CCDC148: variants seen among roughly 807,000 people sequenced by gnomAD.
CCDC148 encodes the protein coiled-coil domain containing 148, also known as coiled-coil domain-containing protein 148.
In CCDC148, 89 loss-of-function variants were observed where a neutral mutation model predicts 85.7. That is an observed-to-expected ratio of 1.04 (90% CI 0.87 to 1.24). CCDC148 has a LOEUF of 1.24. Among genes scored for constraint, CCDC148 ranks in the 50% most tolerant of loss-of-function variants. The probability of loss-of-function intolerance (pLI) is 0.00; values close to 1 mark genes in which losing one functional copy is unlikely to be tolerated. For synonymous variants in CCDC148, 230 were observed against 213.9 expected (o/e 1.08, Z -0.66); for missense variants, 692 against 671.7 (o/e 1.03, Z -0.33).
intron 1 of CCDC148, among the ~76,000 whole-genome samples, chr2:158,390,670 C>T (rs149674951): frequency 5.4e-4 from 82 of 152,268 alleles, no homozygotes; most frequent in African/African-American, 1.8e-3. Context: ...AACAGGTCTG[C>T]AGTGAGCATG....
intron 10 of CCDC148, among the ~76,000 whole-genome samples, chr2:158,223,783 C>T (rs910519414): frequency 1.3e-5 from 2 of 152,176 alleles, no homozygotes; most frequent in Non-Finnish European, 2.9e-5. Flanking sequence ...GGAAAACTAA[C>T]AAACAGAAAA....
At chr2:158,225,739 G>T (rs1687478311) in intron 10 of CCDC148, among the ~76,000 whole-genome samples, 1 of 152,154 alleles carries the variant, frequency 6.6e-6, no homozygotes, top group South Asian at 2.1e-4. Flanking sequence ...CAGAAATAAA[G>T]ATGTTCTTTG....
At chr2:158,448,802 T>G (rs1280052786) in intron 1 of CCDC148, among the ~76,000 whole-genome samples, 2 of 152,070 alleles carry the variant, frequency 1.3e-5, no homozygotes, top group African/African-American at 4.8e-5. Flanking sequence ...ATAAGTGGAA[T>G]TGGGTTTTTG....
At chr2:158,333,121 A>T (rs1239465566) in intron 7 of CCDC148, among the ~76,000 whole-genome samples, 1 of 151,782 alleles carries the variant, frequency 6.6e-6, no homozygotes, top group East Asian at 1.9e-4. Context: ...TTTGGGTATC[A>T]ATTTTAGATC....
chr2:158,331,999 C>T (rs1042216285), intron 7 of CCDC148, among the ~76,000 whole-genome samples: 12 of 152,148 alleles, frequency 7.9e-5, no homozygotes, highest in African/African-American at 2.4e-4. Context: ...GCATTTAGCC[C>T]ATTTACATTT....
chr2:158,434,761 A>G (rs1359525256), intron 1 of CCDC148, among the ~76,000 whole-genome samples: 1 of 152,172 alleles, frequency 6.6e-6, no homozygotes, highest in African/African-American at 2.4e-5. Flanking sequence ...ACTAGAATAA[A>G]CAGTGCAGAG....
intron 11 of CCDC148, among the ~76,000 whole-genome samples, chr2:158,197,868 T>A (rs1685755592): frequency 6.6e-6 from 1 of 152,128 alleles, no homozygotes; most frequent in African/African-American, 2.4e-5. Context: ...AACCACTAAA[T>A]GCATTCATTA....
chr2:158,385,844 C>T (rs774747644), intron 1 of CCDC148, among the ~76,000 whole-genome samples: 1 of 152,028 alleles, frequency 6.6e-6, no homozygotes, highest in Non-Finnish European at 1.5e-5. Flanking sequence ...AGAGCATACC[C>T]TGTTACCATC....
intron 9 of CCDC148, among the ~76,000 whole-genome samples, chr2:158,255,680 T>C (rs928150494): frequency 4.6e-5 from 7 of 151,746 alleles, no homozygotes; most frequent in Non-Finnish European, 1.0e-4. Flanking sequence ...AACATTTTAG[T>C]AGTTTTATTT....
At chr2:158,323,786 T>C (rs548515026) in intron 7 of CCDC148, among the ~76,000 whole-genome samples, 11 of 152,268 alleles carry the variant, frequency 7.2e-5, no homozygotes, top group Non-Finnish European at 1.6e-4. Flanking sequence ...GATCATGTAA[T>C]AGGTACTTAT....
intron 11 of CCDC148, among the ~76,000 whole-genome samples, chr2:158,184,008 T>G (rs1297315152): frequency 1.3e-5 from 2 of 151,900 alleles, no homozygotes; most frequent in Non-Finnish European, 2.9e-5. Flanking sequence ...GGGAGAAGTC[T>G]GCCCAAAGAA....
intron 11 of CCDC148, among the ~76,000 whole-genome samples, chr2:158,193,219 A>T (rs1382672430): frequency 1.3e-5 from 2 of 152,032 alleles, no homozygotes; most frequent in Non-Finnish European, 2.9e-5. Flanking sequence ...CACAATCAAC[A>T]TTTCTGTCTT....
At chr2:158,277,830 T>C (rs576701301) in intron 9 of CCDC148, among the ~76,000 whole-genome samples, 1 of 152,336 alleles carries the variant, frequency 6.6e-6, no homozygotes, top group African/African-American at 2.4e-5. Flanking sequence ...TCTCCTGACC[T>C]TGTGATCCGC....
At position 158,218,370 on chromosome 2, in the gene CCDC148, C is replaced by T. The variant is rs552440758; in HGVS notation, c.1370+2225G>A. Among the ~76,000 whole-genome samples the T allele has an allele frequency of 3.9e-5, 6 of 152,318 alleles. No homozygotes were observed. The East Asian group carries it at 9.6e-4, about 24-fold the overall frequency. ...CAAGACTAAAACCTTGGTCTCCTGG[C>T]TCCTCGTCTTTAGTACTCTTTTTAG... is the stretch of plus-strand genomic sequence containing the variant. On this transcript the variant is annotated intron_variant, in intron 11 of 13. Coordinates refer to ENST00000283233, the MANE Select transcript of CCDC148 (RefSeq NM_138803.4).
chr2:158,360,856 G>A (rs540696595), intron 1 of CCDC148, among the ~76,000 whole-genome samples: 2 of 152,012 alleles, frequency 1.3e-5, no homozygotes, highest in South Asian at 4.2e-4. Flanking sequence ...GGCTTCAGAA[G>A]GTGGGTAATA....
intron 1 of CCDC148, among the ~76,000 whole-genome samples, chr2:158,454,488 T>C (rs915151167): frequency 1.3e-5 from 2 of 152,178 alleles, no homozygotes; most frequent in African/African-American, 4.8e-5. Context: ...TGAAGATGTG[T>C]GAAAACTAGG....
At chr2:158,430,572 GTTAATA>G (rs1366087188) in intron 1 of CCDC148, among the ~76,000 whole-genome samples, 2 of 152,184 alleles carry the variant, frequency 1.3e-5, no homozygotes, top group African/African-American at 4.8e-5. Context: ...CGTGACTACA[GTTAATA>G]TTAATTTATT....
chr2:158,330,284 G>C (rs111526204), intron 7 of CCDC148, among the ~76,000 whole-genome samples: 4,089 of 152,136 alleles, frequency 0.027, 71 homozygotes, highest in Middle Eastern at 0.092. Flanking sequence ...TTTTGTCTTT[G>C]GTTCTGTTTA....
intron 2 of CCDC148, among the ~76,000 whole-genome samples, chr2:158,352,762 G>C (rs945497976): frequency 3.3e-5 from 5 of 151,538 alleles, no homozygotes; most frequent in African/African-American, 4.9e-5. Context: ...GCAACTCCAA[G>C]ACACATAATT....
Sources: allele counts gnomAD v4.1 joint callset (sites outside exome capture counted in the v4.1 genomes callset), GRCh38; gene constraint gnomAD v4.1.1; transcripts MANE v1.5; gene names NCBI Gene and HGNC (gene_info 2026-07-23, HGNC 2026-07-21).